The following CDH12 variants were observed in gnomAD, a reference collection of about 807,000 sequenced individuals.
The protein encoded by CDH12 is cadherin 12.
In CDH12, 41 loss-of-function variants were observed where a neutral mutation model predicts 74.1. The observed-to-expected ratio is 0.55, with a 90% CI of 0.43 to 0.72. The LOEUF is 0.72. Among genes scored for constraint, CDH12 ranks in the 30% least tolerant of loss-of-function variants. CDH12 has a pLI of 0.00. For missense variants in CDH12, 945 were observed against 977.2 expected (o/e 0.97, Z 0.44); for synonymous variants, 399 against 355.0 (o/e 1.12, Z -1.39).
At chr5:22,407,946 C>T (rs922911242) in intron 2 of CDH12, among the ~76,000 whole-genome samples, 12 of 152,004 alleles carry the variant, frequency 7.9e-5, no homozygotes, top group African/African-American at 2.9e-4. Context: ...GTAGAAATAG[C>T]CTATCGCCTT....
chr5:22,085,616 A>G (rs1743010919), intron 4 of CDH12, among the ~76,000 whole-genome samples: 1 of 152,146 alleles, frequency 6.6e-6, no homozygotes, highest in Admixed American at 6.6e-5. Flanking sequence ...TCTTGTGAAT[A>G]GGTGGCCCTT....
chr5:22,798,982 C>T (rs1194168199), intron 1 of CDH12, among the ~76,000 whole-genome samples: 1 of 151,938 alleles, frequency 6.6e-6, no homozygotes, highest in Non-Finnish European at 1.5e-5. Flanking sequence ...CTGGGTGTGG[C>T]AGTGCATACC....
rs116743663 is a variant in CDH12 at position 22,300,397 on chromosome 5, G to A, written c.-332-87754C>T. 6.5e-3 allele frequency among the ~76,000 whole-genome samples: 988 copies of A among 151,352 alleles called. 13 individuals are homozygous for A. Among genetic ancestry groups the A allele is most frequent in the African/African-American group, 0.023 (946 of 40,722 alleles). ...CTGTCTAATATTAGCCCAGGAAAGC[G>A]GATGTTTCTTCCATCTGAAGTTCCA... On this transcript the variant is annotated intron_variant, in intron 3 of 14. Transcript: ENST00000382254.
At position 21,975,430 on chromosome 5, in the gene CDH12, CAAAG is replaced by C. The variant is rs769794099; in HGVS notation, c.232-49_232-46del. 41 of 1,403,880 alleles carry C rather than the reference CAAAG, an allele frequency of 2.9e-5. No homozygotes were observed. The East Asian group carries it at 9.5e-4, about 33-fold the overall frequency. The allele number at this position is 1,403,880 out of a possible 1,614,324, so 87.0% of individuals were successfully genotyped here. ...AGAGAGAGGAAGAGAAAGAGAAGGA[CAAAG>C]AAAGAACACCATTAAAAGGATGTGC... On this transcript the variant is annotated intron_variant, in intron 5 of 14. Transcript: ENST00000382254.
chr5:22,437,433 C>A (rs1744443130), intron 2 of CDH12, among the ~76,000 whole-genome samples: 1 of 151,448 alleles, frequency 6.6e-6, no homozygotes, highest in African/African-American at 2.4e-5. Flanking sequence ...AACCCCAATA[C>A]AAAGTCTAGT....
At position 22,845,038 on chromosome 5, in the gene CDH12, GTTTTA is replaced by G. The variant is rs141330251; in HGVS notation, c.-523+8015_-523+8019del. On this transcript the variant is annotated intron_variant, in intron 1 of 14. Transcript: ENST00000382254. ...TCCCCCTTTTCAGTATGCTCCGGGT[GTTTTA>G]TTTTAATTGTAGACAACACGGGAAA... is the stretch of plus-strand genomic sequence containing the variant. Among the ~76,000 whole-genome samples the G allele has an allele frequency of 1.7e-3, 252 of 152,176 alleles. 2 individuals are homozygous for G. The highest frequency in any genetic ancestry group is 5.7e-3 in the African/African-American group (238 of 41,532).
chr5:21,783,327 A>G (rs748685345), intron 11 of CDH12, 31 bp downstream of exon 11: 2 of 1,597,380 alleles, frequency 1.3e-6, no homozygotes, highest in Admixed American at 3.4e-5. Context: ...GAACTGCAGT[A>G]TAACATTGAT....
intron 3 of CDH12, among the ~76,000 whole-genome samples, chr5:22,376,882 A>G (rs1741551873): frequency 1.3e-5 from 2 of 152,052 alleles, no homozygotes; most frequent in South Asian, 2.1e-4. Flanking sequence ...GTTTCTACCA[A>G]TAATAAATAA....
intron 6 of CDH12, among the ~76,000 whole-genome samples, chr5:21,891,107 T>C (rs954303397): frequency 6.6e-6 from 1 of 152,102 alleles, no homozygotes; most frequent in South Asian, 2.1e-4. Context: ...ACCAGATCTA[T>C]CCTGAGTTGT....
chr5:22,760,055 C>T lies in CDH12; in HGVS notation c.-523+93003G>A, dbSNP rs75147675. On this transcript the variant is annotated intron_variant, in intron 1 of 14. Coordinates refer to ENST00000382254, the MANE Select transcript of CDH12 (RefSeq NM_004061.5). ...CTGAAAATACCTTCACAGCAATATC[C>T]GGATGTGTTTGATTAAATATCTGGG... 4.5e-3 allele frequency among the ~76,000 whole-genome samples: 689 copies of T among 152,246 alleles called. 3 individuals are homozygous for T. Among genetic ancestry groups the T allele is most frequent in the African/African-American group, 0.016 (662 of 41,534 alleles).
intron 3 of CDH12, among the ~76,000 whole-genome samples, chr5:22,309,440 G>A (rs545236777): frequency 5.9e-5 from 9 of 152,148 alleles, no homozygotes; most frequent in Admixed American, 1.3e-4. Flanking sequence ...AGCTACCAGA[G>A]GTTAATCATG....
chr5:22,473,017 C>T (rs1453663983), intron 2 of CDH12, among the ~76,000 whole-genome samples: 1 of 152,120 alleles, frequency 6.6e-6, no homozygotes, highest in African/African-American at 2.4e-5. Context: ...AATTCTTCAT[C>T]CTCAGCTACT....
chr5:22,600,581 C>T (rs1254158260), intron 1 of CDH12, among the ~76,000 whole-genome samples: 1 of 151,788 alleles, frequency 6.6e-6, no homozygotes, highest in Non-Finnish European at 1.5e-5. Flanking sequence ...TTTTTTATAT[C>T]CCTATGCTAC....
intron 1 of CDH12, among the ~76,000 whole-genome samples, chr5:22,742,095 T>A (rs947830231): frequency 1.3e-5 from 2 of 151,856 alleles, no homozygotes; most frequent in Admixed American, 6.6e-5. Context: ...GGCAGGAGAA[T>A]CACTTGAACG....
intron 3 of CDH12, among the ~76,000 whole-genome samples, chr5:22,378,026 G>A (rs936653596): frequency 6.6e-6 from 1 of 152,124 alleles, no homozygotes; most frequent in African/African-American, 2.4e-5. Flanking sequence ...TAGAATAACT[G>A]ATTATGAATA....
At chr5:22,282,647 T>A (rs1736940425) in intron 3 of CDH12, among the ~76,000 whole-genome samples, 1 of 152,108 alleles carries the variant, frequency 6.6e-6, no homozygotes, top group African/African-American at 2.4e-5. Flanking sequence ...AAAAAGCTCA[T>A]CATCACTGAT....
Position 22,790,308 on chromosome 5 carries a change from C to T in CDH12, c.-523+62750G>A, listed in dbSNP as rs572938739. Among the ~76,000 whole-genome samples, 31 of 152,166 alleles carry T rather than the reference C, an allele frequency of 2.0e-4. No individual in the cohort carries two copies. The South Asian group carries it at 6.4e-3, about 32-fold the overall frequency. On this transcript the variant is annotated intron_variant, in intron 1 of 14. Coordinates refer to ENST00000382254, the MANE Select transcript of CDH12 (RefSeq NM_004061.5). ...TAGCAATTATCAAAACTAATAATAG[C>T]ATCAATGAGGGTTAAGATAAATTAA...
intron 2 of CDH12, among the ~76,000 whole-genome samples, chr5:22,488,368 T>C (rs1419668195): frequency 6.6e-6 from 1 of 152,236 alleles, no homozygotes; most frequent in Non-Finnish European, 1.5e-5. Context: ...TGTTTTTTAT[T>C]TTTCCAGTGT....
chr5:22,499,578 C>T (rs893094743), intron 2 of CDH12, among the ~76,000 whole-genome samples: 1 of 152,138 alleles, frequency 6.6e-6, no homozygotes, highest in Non-Finnish European at 1.5e-5. Context: ...AGAATACATA[C>T]TTAATCCCCA....
Sources: gnomAD v4.1 joint callset for allele counts (sites outside exome capture counted in the v4.1 genomes callset) on GRCh38, gnomAD v4.1.1 for gene constraint, MANE v1.5 for transcripts, NCBI Gene and HGNC (gene_info 2026-07-23, HGNC 2026-07-21) for gene names.